EML6: variants seen among roughly 807,000 people sequenced by gnomAD.
EML6 encodes the protein EMAP like 6.
A neutral mutation model predicts 240.1 loss-of-function variants in EML6; 154 were observed. The ratio of observed to expected loss-of-function variants is 0.64; its 90% CI spans 0.56 to 0.73. The LOEUF is 0.73. EML6 is among the 30% of genes least tolerant of loss of function. The probability of loss-of-function intolerance (pLI) is 0.00; values close to 1 mark genes in which losing one functional copy is unlikely to be tolerated. For missense variants in EML6, 2,964 were observed against 2,474.6 expected, an observed-to-expected ratio of 1.20 and a Z score of -4.20; for synonymous variants, 1,148 against 899.0, an observed-to-expected ratio of 1.28 and a Z score of -4.95.
chr2:54,919,650 G>A (rs550120625), intron 26 of EML6, among the ~76,000 whole-genome samples: 1 of 152,298 alleles, frequency 6.6e-6, no homozygotes, highest in South Asian at 2.1e-4. Context: ...GAAATTGCTA[G>A]CAGTACAAGG....
At chr2:54,914,623 G>T (rs1673812075) in intron 25 of EML6, among the ~76,000 whole-genome samples, 2 of 152,326 alleles carry the variant, frequency 1.3e-5, no homozygotes, top group African/African-American at 4.8e-5. Context: ...GATTCCTGAT[G>T]ATGTTGGTTG....
At chr2:54,879,887 T>C (rs919672742) in intron 17 of EML6, 7 of 491,112 alleles carry the variant, frequency 1.4e-5, no homozygotes, top group African/African-American at 1.4e-4. Context: ...CCGCTTCATT[T>C]TGAGTGGTCT....
chr2:54,908,433 A>G (rs1673464858), intron 24 of EML6, among the ~76,000 whole-genome samples: 1 of 151,980 alleles, frequency 6.6e-6, no homozygotes, highest in Non-Finnish European at 1.5e-5. Context: ...CAGGCTGGAA[A>G]CCAGCTTAAA....
chr2:54,853,795 C>G lies in EML6; in HGVS notation c.1597C>G (p.Leu533Val). Residue 533 changes from leucine to valine, a missense_variant, in exon 11 of 42, where the codon CTG becomes GTG. Transcript: ENST00000356458. ...SVDANYNSSVLVSGDDFGLVK... is the reference protein window; with the variant it reads ...SVDANYNSSVVVSGDDFGLVK... ...GGATGCGAATTACAACAGCTCAGTG[C>G]TGGTGTCTGGAGATGATTTTGGACT... The G allele has an allele frequency of 1.3e-6, 2 of 1,551,584 alleles. No homozygotes were observed. The highest frequency in any genetic ancestry group is 1.7e-6 in the Non-Finnish European group (2 of 1,146,938).
chr2:54,967,880 ACT>A (rs2104558898), intron 39 of EML6, among the ~76,000 whole-genome samples: 1 of 152,032 alleles, frequency 6.6e-6, no homozygotes, highest in African/African-American at 2.4e-5. Flanking sequence ...CTCCTATGAG[ACT>A]CTAATGCTGC....
At chr2:54,759,330 AT>A (rs1283018521) in intron 2 of EML6, among the ~76,000 whole-genome samples, 10 of 151,360 alleles carry the variant, frequency 6.6e-5, no homozygotes, top group Non-Finnish European at 1.2e-4. Context: ...TGTCCAAAGA[AT>A]TTTTTTTATA....
chr2:54,908,872 G>A (rs986427235), intron 24 of EML6, among the ~76,000 whole-genome samples: 7 of 152,086 alleles, frequency 4.6e-5, no homozygotes, highest in Admixed American at 3.9e-4. Flanking sequence ...TCTGCCCGCA[G>A]AGTATAAACA....
At chr2:54,919,583 A>G (rs17346218) in intron 26 of EML6, among the ~76,000 whole-genome samples, 33,073 of 152,016 alleles carry the variant, frequency 0.22, 4,070 homozygotes, top group Middle Eastern at 0.34. Context: ...AGCCCTTCCT[A>G]TTTGATCAGA....
rs925763373 is a variant in EML6 at position 54,855,468 on chromosome 2, C to G, written c.1657+1613C>G. The stretch of plus-strand genomic sequence containing the variant: ...GTTACCTTCTACCATGCCCCCCCCC[C>G]GCCCTCTAATTCTGGAGATTACAAT... On this transcript the variant is annotated intron_variant, in intron 11 of 41. Transcript: ENST00000356458. 5.8e-4 allele frequency among the ~76,000 whole-genome samples: 64 copies of G among 110,868 alleles called. 1 individual carries two copies. The highest frequency in any genetic ancestry group is 9.5e-4 in the Non-Finnish European group (51 of 53,866). 72.7% of individuals were successfully genotyped at this position (110,868 alleles called of 152,430 possible).
intron 2 of EML6, among the ~76,000 whole-genome samples, chr2:54,741,938 C>A (rs756425407): frequency 1.1e-4 from 17 of 152,104 alleles, no homozygotes; most frequent in Non-Finnish European, 1.9e-4. Flanking sequence ...TGTTGAGAAA[C>A]GTGATTTTAC....
intron 12 of EML6, among the ~76,000 whole-genome samples, chr2:54,862,953 G>C (rs1270963968): frequency 6.6e-6 from 1 of 152,190 alleles, no homozygotes; most frequent in East Asian, 1.9e-4. Flanking sequence ...AGGGGAACAG[G>C]GTAACCTTTG....
At chr2:54,882,871 AAAAG>A (rs1553406075) in intron 17 of EML6, 1 of 128,834 alleles carries the variant, frequency 7.8e-6, no homozygotes, top group African/African-American at 2.9e-5. Flanking sequence ...AAAAAAAAAA[AAAAG>A]AAAGCTTAGG....
At chr2:54,922,389 C>G (rs1674304127) in intron 26 of EML6, among the ~76,000 whole-genome samples, 1 of 151,992 alleles carries the variant, frequency 6.6e-6, no homozygotes, top group Non-Finnish European at 1.5e-5. Context: ...AAAAAAAGAA[C>G]AAGTGTTGGT....
intron 28 of EML6, among the ~76,000 whole-genome samples, chr2:54,942,525 T>C (rs1675482283): frequency 6.6e-6 from 1 of 152,170 alleles, no homozygotes; most frequent in South Asian, 2.1e-4. Flanking sequence ...AGGAGGCATT[T>C]GCAGGAGTGG....
In EML6 at chr2:54,844,163, G is replaced by T. The variant is rs1393202746; in HGVS notation, c.964G>T (p.Gly322Cys). 1 of 1,551,586 alleles carries T rather than the reference G, an allele frequency of 6.4e-7. No homozygotes were observed. Among genetic ancestry groups the T allele is most frequent in the Non-Finnish European group, 8.7e-7 (1 of 1,146,998 alleles). Residue 322 changes from glycine to cysteine, a missense_variant, in exon 8 of 42, where the codon GGC becomes TGC. Physicochemically the swap from Gly to Cys is radical, Grantham distance 159 (BLOSUM62 -3). Coordinates refer to ENST00000356458, the MANE Select transcript of EML6 (RefSeq NM_001039753.4). ...ERDKPMLILQ[G>C]HCEGELWALA... ...AGACAAGCCGATGTTGATCCTACAG[G>T]GCCACTGCGAGGGTGAGCTCTGGGC...
chr2:54,781,252 T>C (rs930108054), intron 2 of EML6, among the ~76,000 whole-genome samples: 4 of 152,172 alleles, frequency 2.6e-5, no homozygotes, highest in Admixed American at 6.5e-5. Flanking sequence ...TTGAGAGACT[T>C]TTCTGGCAGT....
chr2:54,946,099 G>A (rs772677348), intron 28 of EML6, among the ~76,000 whole-genome samples: 12 of 152,178 alleles, frequency 7.9e-5, no homozygotes, highest in Non-Finnish European at 7.4e-5. Flanking sequence ...CGGCCTGTGT[G>A]CCACCCTCTC....
rs531286102 is a variant in EML6, at chr2:54,946,652, C to T, written c.4005-2230C>T. Among the ~76,000 whole-genome samples, 4 of 152,228 alleles carry T rather than the reference C, an allele frequency of 2.6e-5. No individual in the cohort carries two copies. In the East Asian group the frequency reaches 7.7e-4, roughly 29 times the overall value. ...TTGTATTGTGTTTTAACTTGCTTTC[C>T]TTTGGAGGCAGGGAATTGTCAAGTA... On this transcript the variant is annotated intron_variant, in intron 28 of 41. Coordinates refer to ENST00000356458, the MANE Select transcript of EML6 (RefSeq NM_001039753.4).
At chr2:54,894,092 A>G (rs1369012536) in intron 19 of EML6, among the ~76,000 whole-genome samples, 1 of 152,138 alleles carries the variant, frequency 6.6e-6, no homozygotes, top group African/African-American at 2.4e-5. Context: ...ATATAAGAAT[A>G]AGGATATTTA....
Sources: allele counts gnomAD v4.1 joint callset (sites outside exome capture counted in the v4.1 genomes callset), GRCh38; gene constraint gnomAD v4.1.1; transcripts MANE v1.5; gene names NCBI Gene and HGNC (gene_info 2026-07-23, HGNC 2026-07-21).